The following CTH variants were observed in gnomAD, a reference collection of about 807,000 sequenced individuals.
CTH encodes the protein cystathionase (cystathionine gamma-lyase).
A neutral mutation model predicts 50.6 loss-of-function variants in CTH; 41 were observed. The observed-to-expected ratio is 0.81, with a 90% confidence interval of 0.63 to 1.05. The LOEUF is 1.05. Ranked by LOEUF, CTH falls within the 50% of genes least tolerant of loss-of-function variation. The pLI is 0.00. For missense variants in CTH, 470 were observed against 492.6 expected (o/e 0.95, Z 0.43); for synonymous variants, 156 against 168.9 (o/e 0.92, Z 0.59).
At chr1:70,416,462 T>C (rs1477144422) in intron 2 of CTH, among the ~76,000 whole-genome samples, 2 of 151,816 alleles carry the variant, frequency 1.3e-5, no homozygotes, top group African/African-American at 2.4e-5. Flanking sequence ...GCACAATCTC[T>C]GCTCATTGCA....
At chr1:70,424,790 GCAGTGGCGGGTGCCTGTAGTCC>G (rs1372104004) in intron 5 of CTH, among the ~76,000 whole-genome samples, 2 of 152,050 alleles carry the variant, frequency 1.3e-5, no homozygotes, top group African/African-American at 2.4e-5. Context: ...TTAGCTGGGC[GCAGTGGCGGGTGCCTGTAGTCC>G]CAGCTACTCG....
chr1:70,427,993 G>A (rs1246056087), intron 5 of CTH, among the ~76,000 whole-genome samples: 5 of 152,144 alleles, frequency 3.3e-5, no homozygotes, highest in African/African-American at 7.2e-5. Context: ...GATTACAGGC[G>A]TGAACCACCA....
At chr1:70,428,747 A>G (rs1684401982) in intron 5 of CTH, among the ~76,000 whole-genome samples, 2 of 151,852 alleles carry the variant, frequency 1.3e-5, no homozygotes, top group African/African-American at 4.8e-5. Flanking sequence ...AGTAGCTGGG[A>G]TTACAGGTGC....
intron 1 of CTH, among the ~76,000 whole-genome samples, chr1:70,414,767 A>G (rs1016333374): frequency 6.6e-6 from 1 of 152,138 alleles, no homozygotes; most frequent in Non-Finnish European, 1.5e-5. Flanking sequence ...GATTAGTAGA[A>G]TGACTGGATG....
rs781274181 is a variant in CTH, at chr1:70,421,576, G to A, written c.357G>A (p.Arg119=). Residue 119 remains arginine, a synonymous_variant, in exon 4 of 12, where the codon AGG becomes AGA. Coordinates refer to ENST00000370938, the MANE Select transcript of CTH (RefSeq NM_001902.6). ...TCCCTTCTGTCTCAGGTACAAACAG[G>A]TACTTCAGGCAAGTGGCATCTGAAT... ...CMDDVYGGTN[R]YFRQVASEFG... is the part of the protein sequence containing the mutation. 5.6e-6 allele frequency: 9 copies of A among 1,613,788 alleles called. No homozygotes were observed. Among genetic ancestry groups the A allele is most frequent in the Non-Finnish European group, 7.6e-6 (9 of 1,179,870 alleles).
At chr1:70,419,597 G>A (rs902442588) in intron 3 of CTH, among the ~76,000 whole-genome samples, 4 of 152,122 alleles carry the variant, frequency 2.6e-5, no homozygotes, top group East Asian at 1.9e-4. Flanking sequence ...TATACCTAAC[G>A]CTAAATGATG....
In CTH at chr1:70,411,505, G is replaced by T; in HGVS notation, c.90G>T (p.Glu30Asp). ...CGATCCATGTGGGCCAGGATCCAGA[G>T]CAATGGACCTCCAGGGCTGTAGTGC... ...TQAIHVGQDP[E>D]QWTSRAVVPP... The change falls in exon 1 of 12, where the codon GAG (glutamate) becomes GAT (aspartate). Residue 30 changes from glutamate (E) to aspartate (D), a missense_variant. Physicochemically the swap from Glu to Asp is conservative, Grantham distance 45. Transcript: ENST00000370938. 1 of 1,614,192 alleles carries T rather than the reference G, an allele frequency of 6.2e-7. No homozygotes were observed. Among genetic ancestry groups the T allele is most frequent in the Non-Finnish European group, 8.5e-7 (1 of 1,180,050 alleles).
intron 3 of CTH, among the ~76,000 whole-genome samples, chr1:70,420,413 G>C (rs528718242): frequency 3.5e-4 from 54 of 152,276 alleles, no homozygotes; most frequent in Middle Eastern, 3.4e-3. Context: ...ATGCAATCTA[G>C]ATCCCTCGAA....
At chr1:70,425,927 C>T (rs1483969349) in intron 5 of CTH, among the ~76,000 whole-genome samples, 2 of 152,182 alleles carry the variant, frequency 1.3e-5, no homozygotes, top group East Asian at 1.9e-4. Context: ...AGATCCAAAC[C>T]ATATCAGGCA....
intron 2 of CTH, among the ~76,000 whole-genome samples, chr1:70,416,652 C>T (rs949466595): frequency 9.2e-5 from 14 of 151,944 alleles, no homozygotes; most frequent in African/African-American, 3.1e-4. Context: ...CAACCTCCGC[C>T]TCCTGGATTC....
intron 1 of CTH, 134 bp downstream of exon 1, chr1:70,411,717 G>C: frequency 1.4e-6 from 2 of 1,438,174 alleles, no homozygotes; most frequent in Non-Finnish European, 1.8e-6. Flanking sequence ...TTTCTACACT[G>C]TAATTCTTGC....
chr1:70,438,913 T>C lies in CTH; in HGVS notation c.1191+87T>C, dbSNP rs1159136897. ...GGGGGGTCACTATATTTACAAAGTG[T>C]GGTCTCACTGTGAACTCTAAAGCTT... On this transcript the variant is annotated intron_variant, in intron 11 of 11. Transcript: ENST00000370938. 2.5e-6 allele frequency: 4 copies of C among 1,605,226 alleles called. No homozygotes were observed. In the African/African-American group the frequency reaches 5.4e-5, roughly 22 times the overall value.
intron 3 of CTH, among the ~76,000 whole-genome samples, chr1:70,418,523 T>C (rs1684144632): frequency 6.6e-6 from 1 of 152,218 alleles, no homozygotes. Context: ...GTTTTGGAAT[T>C]ACGGGCGCGA....
At chr1:70,418,968 T>TC (rs1291013266) in intron 3 of CTH, among the ~76,000 whole-genome samples, 12 of 94,838 alleles carry the variant, frequency 1.3e-4, no homozygotes, top group Admixed American at 3.7e-4. Context: ...ATGCTATCCC[T>TC]CCCCCCTCCC....
intron 1 of CTH, among the ~76,000 whole-genome samples, chr1:70,411,829 T>G (rs1683972180): frequency 6.6e-6 from 1 of 152,172 alleles, no homozygotes; most frequent in Non-Finnish European, 1.5e-5. Flanking sequence ...TGGCCTGAAA[T>G]TCAGGTGATT....
intron 6 of CTH, among the ~76,000 whole-genome samples, chr1:70,430,094 C>T (rs1032872505): frequency 5.9e-5 from 9 of 152,216 alleles, no homozygotes; most frequent in African/African-American, 2.2e-4. Context: ...TTGCTGACAC[C>T]TTAAAGAAAC....
chr1:70,438,763 T>C lies in CTH; in HGVS notation c.1128T>C (p.Leu376=), dbSNP rs1572275819. The C allele has an allele frequency of 6.2e-7, 1 of 1,613,912 alleles. No homozygotes were observed. Among genetic ancestry groups the C allele is most frequent in the Non-Finnish European group, 8.5e-7 (1 of 1,179,982 alleles). ...GAATTAGTGACACACTGATTCGACTTTCTGTGGGCTTAGAGGATGAGGAAG... is the reference window on the plus strand; with the variant it reads ...GAATTAGTGACACACTGATTCGACTCTCTGTGGGCTTAGAGGATGAGGAAG... ...VLGISDTLIR[L]SVGLEDEEDL... The change falls in exon 11 of 12, where the codon CTT becomes CTC. Residue 376 remains leucine, a synonymous_variant. Transcript: ENST00000370938.
intron 3 of CTH, among the ~76,000 whole-genome samples, chr1:70,419,159 CT>C (rs1228403167): frequency 6.6e-6 from 1 of 151,978 alleles, no homozygotes; most frequent in East Asian, 1.9e-4. Flanking sequence ...TGAACTCATC[CT>C]TTTTTATGGC....
rs6413469 is a variant in CTH, at chr1:70,421,393, A to T, written c.347-173A>T. On this transcript the variant is annotated intron_variant, in intron 3 of 11. Coordinates refer to ENST00000370938, the MANE Select transcript of CTH (RefSeq NM_001902.6). ...GAGCCTTTAGAGAACAAACCTTATT[A>T]TTCTTTACTATATCAGATAGCCAAA... Among the ~76,000 whole-genome samples, 6,105 of 152,262 alleles carry T rather than the reference A, an allele frequency of 0.04. 158 individuals are homozygous for T. The highest frequency in any genetic ancestry group is 0.12 in the South Asian group (602 of 4,824).
Sources: allele counts gnomAD v4.1 joint callset (sites outside exome capture counted in the v4.1 genomes callset), GRCh38; gene constraint gnomAD v4.1.1; transcripts MANE v1.5; gene names NCBI Gene and HGNC (gene_info 2026-07-23, HGNC 2026-07-21).